The following DDHD1 variants were observed in gnomAD, a reference collection of about 807,000 sequenced individuals.
DDHD1 encodes DDHD domain containing 1.
DDHD1 carries 49 observed loss-of-function variants against 96.4 expected under a neutral mutation model. The observed-to-expected ratio is 0.51, with a 90% CI of 0.40 to 0.64. The LOEUF (loss-of-function observed/expected upper bound fraction) is 0.64, where lower values mean the gene tolerates loss of function less well. Among genes scored for constraint, DDHD1 ranks in the 30% least tolerant of loss-of-function variants. The probability of loss-of-function intolerance (pLI) is 0.00; values close to 1 mark genes in which losing one functional copy is unlikely to be tolerated. For missense variants in DDHD1, 1,106 were observed against 1,161.2 expected (o/e 0.95, Z 0.69); for synonymous variants, 442 against 446.5 (o/e 0.99, Z 0.13).
chr14:53,141,273 G>T lies in DDHD1; in HGVS notation c.838+10988C>A, dbSNP rs144657317. Among the ~76,000 whole-genome samples, 303 of 152,314 alleles carry T rather than the reference G, an allele frequency of 2.0e-3. 1 individual carries two copies. The highest frequency in any genetic ancestry group is 3.5e-3 in the Non-Finnish European group (240 of 68,014). ...TGCCAGAAGAAGGTTAACTCCCCTA[G>T]AATCTCTTGAAATGCATCCTTGGAT... is the stretch of plus-strand genomic sequence containing the variant. On this transcript the variant is annotated intron_variant, in intron 1 of 12. Transcript: ENST00000673822.
At chr14:53,137,612 A>T (rs1890330919) in intron 1 of DDHD1, among the ~76,000 whole-genome samples, 1 of 152,148 alleles carries the variant, frequency 6.6e-6, no homozygotes, top group Non-Finnish European at 1.5e-5. Context: ...AATAAAAATA[A>T]AAATAAAAAT....
intron 6 of DDHD1, among the ~76,000 whole-genome samples, chr14:53,067,853 T>C (rs893961363): frequency 6.6e-6 from 1 of 152,198 alleles, no homozygotes; most frequent in Admixed American, 6.5e-5. Flanking sequence ...GGTTCACATA[T>C]TGTTAGCATT....
intron 7 of DDHD1, among the ~76,000 whole-genome samples, chr14:53,061,966 A>G (rs921052245): frequency 6.6e-6 from 1 of 151,262 alleles, no homozygotes; most frequent in Non-Finnish European, 1.5e-5. Context: ...CCTGGAAGAC[A>G]AGAGGTTGTA....
In DDHD1 at chr14:53,055,707, C is replaced by T. The variant is rs201550288; in HGVS notation, c.2198G>A (p.Arg733Gln). The T allele has an allele frequency of 1.7e-5, 27 of 1,614,028 alleles. No homozygotes were observed. Among genetic ancestry groups the T allele is most frequent in the African/African-American group, 6.7e-5 (5 of 75,018 alleles). ...SPVTSPVLSRRHYGESITNIG... is the reference protein window; with the variant it reads ...SPVTSPVLSRQHYGESITNIG... The stretch of plus-strand genomic sequence containing the variant: ...ATTTGTTATAGATTCTCCATAGTGT[C>T]GGCGGGACAAAACTGGTGAGGTCAC... Residue 733 changes from arginine (R) to glutamine (Q), a missense_variant, in exon 10 of 13, where the codon CGA becomes CAA. Around this residue, in one of 2 missense-constraint regions of DDHD1, gnomAD observed 650 missense variants for 758.8 expected, o/e 0.86. Transcript: ENST00000673822.
chr14:53,139,605 G>A (rs938360400), intron 1 of DDHD1, among the ~76,000 whole-genome samples: 1 of 152,046 alleles, frequency 6.6e-6, no homozygotes, highest in African/African-American at 2.4e-5. Context: ...AGAATTACTT[G>A]AACCTGGGAG....
At chr14:53,092,138 A>G (rs1295257970) in intron 3 of DDHD1, 2 of 377,754 alleles carry the variant, frequency 5.3e-6, no homozygotes, top group Admixed American at 8.6e-5. Flanking sequence ...CAGAAACCAT[A>G]AAGAGAAAGA....
At chr14:53,128,695 G>C (rs1461577709) in intron 1 of DDHD1, among the ~76,000 whole-genome samples, 1 of 152,202 alleles carries the variant, frequency 6.6e-6, no homozygotes, top group Non-Finnish European at 1.5e-5. Context: ...GAAGCCAACA[G>C]TTCTGATACA....
chr14:53,132,595 T>C lies in DDHD1; in HGVS notation c.838+19666A>G, dbSNP rs576994167. Among the ~76,000 whole-genome samples, 22 of 152,344 alleles carry C rather than the reference T, an allele frequency of 1.4e-4. 1 individual carries two copies. The South Asian group carries it at 3.9e-3, about 27-fold the overall frequency. The stretch of plus-strand genomic sequence containing the variant: ...CTCACTCTTGCAAAAGAACTGTGCG[T>C]CAATATTTATGTTGACTCTAAATAT... On this transcript the variant is annotated intron_variant, in intron 1 of 12. Coordinates refer to ENST00000673822, the MANE Select transcript of DDHD1 (RefSeq NM_001160148.2).
intron 1 of DDHD1, among the ~76,000 whole-genome samples, chr14:53,113,390 C>CAAAAAAAAA (rs60704615): frequency 2.5e-5 from 3 of 118,262 alleles, no homozygotes; most frequent in African/African-American, 1.2e-4. Flanking sequence ...CTGTACAAGC[C>CAAAAAAAAA]AAAAAAAAAA....
At chr14:53,146,767 C>T (rs532719571) in intron 1 of DDHD1, among the ~76,000 whole-genome samples, 3 of 152,134 alleles carry the variant, frequency 2.0e-5, no homozygotes, top group Non-Finnish European at 2.9e-5. Flanking sequence ...GTTATGGGTA[C>T]GATTTTTCTT....
At chr14:53,121,310 G>T (rs1467129303) in intron 1 of DDHD1, among the ~76,000 whole-genome samples, 1 of 152,204 alleles carries the variant, frequency 6.6e-6, no homozygotes, top group African/African-American at 2.4e-5. Flanking sequence ...TGGAGAAATA[G>T]GAACACTTTT....
In DDHD1 at chr14:53,046,804, G is replaced by A. The variant is rs774873200; in HGVS notation, c.2667C>T (p.His889=). The change falls in exon 13 of 13, where the codon CAC becomes CAT. Residue 889 remains histidine (H), a synonymous_variant. Coordinates refer to ENST00000673822, the MANE Select transcript of DDHD1 (RefSeq NM_001160148.2). ...CTAAATTGGGTTTTGCATCATCATCGTGCTCATGTTTATACATGAAGGTTA... is the reference window on the plus strand; with the variant it reads ...CTAAATTGGGTTTTGCATCATCATCATGCTCATGTTTATACATGAAGGTTA... ...FLLTFMYKHE[H]DDDAKPNLDP... The A allele has an allele frequency of 2.6e-5, 42 of 1,610,480 alleles. No individual in the cohort carries two copies. Among genetic ancestry groups the A allele is most frequent in the Middle Eastern group, 1.7e-4 (1 of 6,052 alleles).
intron 10 of DDHD1, among the ~76,000 whole-genome samples, chr14:53,055,432 T>C (rs1332529209): frequency 6.6e-5 from 10 of 152,186 alleles, no homozygotes; most frequent in Admixed American, 6.5e-4. Flanking sequence ...ATAACAGCTT[T>C]TTCTGGTCCA....
chr14:53,087,875 C>T (rs1886113342), intron 4 of DDHD1, among the ~76,000 whole-genome samples: 1 of 152,126 alleles, frequency 6.6e-6, no homozygotes, highest in South Asian at 2.1e-4. Flanking sequence ...AATCCAGGAG[C>T]TGGTTTTTTG....
chr14:53,055,854 A>G lies in DDHD1; in HGVS notation c.2051T>C (p.Ile684Thr), dbSNP rs761865065. 1 of 1,613,618 alleles carries G rather than the reference A, an allele frequency of 6.2e-7. No individual in the cohort carries two copies. The highest frequency in any genetic ancestry group is 1.7e-5 in the Admixed American group (1 of 59,980). ...AGGATTTGAAGTATTGTACCAGTGG[A>G]TCTGGACAGGTGAAATGTTGCTGTA... ...KHYSNISPVQ[I>T]HWYNTSNPLP... Residue 684 changes from isoleucine to threonine, a missense_variant, in exon 10 of 13, where the codon ATC (isoleucine) becomes ACC (threonine). By Grantham distance (89) the Ile-to-Thr change is moderately conservative. This residue lies in a region of DDHD1 where 650 missense variants were observed against 758.8 expected (regional missense o/e 0.86). Transcript: ENST00000673822.
At chr14:53,072,481 T>C (rs1884590423) in intron 6 of DDHD1, 116 bp downstream of exon 6, 2 of 490,256 alleles carry the variant, frequency 4.1e-6, no homozygotes, top group South Asian at 1.2e-4. Flanking sequence ...TATTTATAGA[T>C]TAATGAATTC....
intron 6 of DDHD1, among the ~76,000 whole-genome samples, chr14:53,066,837 C>T (rs371140409): frequency 6.6e-6 from 1 of 151,638 alleles, no homozygotes; most frequent in South Asian, 2.1e-4. Context: ...TGTATTGGCT[C>T]GTGCCCGTAG....
intron 6 of DDHD1, among the ~76,000 whole-genome samples, chr14:53,066,359 T>C (rs991508366): frequency 7.9e-5 from 12 of 151,944 alleles, no homozygotes; most frequent in Admixed American, 2.6e-4. Context: ...ACCATGTTGG[T>C]TGGGCTGGTC....
intron 4 of DDHD1, among the ~76,000 whole-genome samples, chr14:53,078,688 C>T (rs971566499): frequency 1.3e-5 from 2 of 152,040 alleles, no homozygotes; most frequent in African/African-American, 4.8e-5. Flanking sequence ...AATCTAGATG[C>T]CTTTTATTTC....
Sources: allele counts gnomAD v4.1 joint callset (sites outside exome capture counted in the v4.1 genomes callset), GRCh38; gene constraint gnomAD v4.1.1; regional missense constraint gnomAD v4.1.1; transcripts MANE v1.5; gene names NCBI Gene and HGNC (gene_info 2026-07-23, HGNC 2026-07-21).